The following USH2A variants were observed in gnomAD, a reference collection of about 807,000 sequenced individuals.
USH2A encodes the protein Usher syndrome 2A (autosomal recessive, mild).
USH2A carries 443 observed loss-of-function variants against 538.9 expected under a neutral mutation model. That is an observed-to-expected ratio of 0.82 (90% CI 0.76 to 0.89). The LOEUF (loss-of-function observed/expected upper bound fraction) is 0.89, where lower values mean the gene tolerates loss of function less well. Among genes scored for constraint, USH2A ranks in the 40% least tolerant of loss-of-function variants. The pLI is 0.00. For missense variants in USH2A, 6,633 were observed against 6,324.8 expected (o/e 1.05, Z -1.65); for synonymous variants, 2,413 against 2,273.5 (o/e 1.06, Z -1.75).
At chr1:216,251,910 T>C (rs926729108) in intron 11 of USH2A, among the ~76,000 whole-genome samples, 2 of 152,342 alleles carry the variant, frequency 1.3e-5, no homozygotes, top group South Asian at 2.1e-4. Flanking sequence ...TTTATGCCTA[T>C]TGATATTGAT....
At chr1:215,814,042 A>T in intron 48 of USH2A, 138 bp from the exon 49 acceptor site, 1 of 1,039,424 alleles carries the variant, frequency 9.6e-7, no homozygotes, top group Non-Finnish European at 1.4e-6. Context: ...GTTGGTTTAA[A>T]AATGTATTTT....
At chr1:215,967,313 C>T (rs115913254) in intron 36 of USH2A, among the ~76,000 whole-genome samples, 5,535 of 152,130 alleles carry the variant, frequency 0.036, 97 homozygotes, top group African/African-American at 0.04. Flanking sequence ...AGACTGCAGG[C>T]GCCCGCCACC....
intron 58 of USH2A, among the ~76,000 whole-genome samples, chr1:215,754,646 C>G (rs967343251): frequency 6.6e-6 from 1 of 151,262 alleles, no homozygotes; most frequent in African/African-American, 2.5e-5. Flanking sequence ...ATATAAAACA[C>G]ACTAACACTA....
intron 61 of USH2A, among the ~76,000 whole-genome samples, chr1:215,687,395 C>T (rs1345339775): frequency 6.6e-6 from 1 of 151,410 alleles, no homozygotes; most frequent in Non-Finnish European, 1.5e-5. Context: ...CTTTAGAATA[C>T]ATCATTCATT....
chr1:215,968,505 T>C (rs957136256), intron 36 of USH2A, among the ~76,000 whole-genome samples: 12 of 152,172 alleles, frequency 7.9e-5, no homozygotes, highest in African/African-American at 2.9e-4. Context: ...TCTGTATGTC[T>C]TTTTATTTTT....
chr1:215,652,392 C>A (rs1657111842), intron 64 of USH2A, among the ~76,000 whole-genome samples: 1 of 152,154 alleles, frequency 6.6e-6, no homozygotes, highest in Non-Finnish European at 1.5e-5. Flanking sequence ...ACCTGCAATT[C>A]TAGATTAGGT....
chr1:215,642,521 G>T (rs897859978), intron 67 of USH2A, among the ~76,000 whole-genome samples: 1 of 152,172 alleles, frequency 6.6e-6, no homozygotes, highest in African/African-American at 2.4e-5. Flanking sequence ...CAGGAATTTT[G>T]TGAGTCATTG....
chr1:216,415,669 C>T (rs934860704), intron 3 of USH2A, among the ~76,000 whole-genome samples: 1 of 151,864 alleles, frequency 6.6e-6, no homozygotes, highest in Non-Finnish European at 1.5e-5. Flanking sequence ...TACAGACACG[C>T]ACCATCACAC....
At chr1:216,388,625 A>G (rs1461658683) in intron 3 of USH2A, among the ~76,000 whole-genome samples, 1 of 152,254 alleles carries the variant, frequency 6.6e-6, no homozygotes, top group Non-Finnish European at 1.5e-5. Flanking sequence ...TACACATGCC[A>G]TAAGGCATTT....
At chr1:215,905,883 G>A (rs553834946) in intron 38 of USH2A, among the ~76,000 whole-genome samples, 3 of 152,112 alleles carry the variant, frequency 2.0e-5, no homozygotes, top group East Asian at 1.9e-4. Context: ...GAGAAACTGC[G>A]GCCTTTTACC....
At chr1:216,028,110 G>A (rs1669012003) in intron 32 of USH2A, among the ~76,000 whole-genome samples, 2 of 152,116 alleles carry the variant, frequency 1.3e-5, no homozygotes, top group Admixed American at 6.6e-5. Context: ...AGAAGTGGCC[G>A]GGTGCAGTGG....
At chr1:215,977,863 T>C (rs1288033064) in intron 35 of USH2A, among the ~76,000 whole-genome samples, 4 of 152,188 alleles carry the variant, frequency 2.6e-5, no homozygotes, top group African/African-American at 4.8e-5. Context: ...TGGTGGCTCA[T>C]GCCTATAATC....
chr1:216,196,168 T>C (rs970955962), intron 19 of USH2A, among the ~76,000 whole-genome samples: 1 of 152,170 alleles, frequency 6.6e-6, no homozygotes, highest in African/African-American at 2.4e-5. Flanking sequence ...ATCAATGTTA[T>C]TTATATTTCC....
intron 47 of USH2A, among the ~76,000 whole-genome samples, chr1:215,837,416 C>T (rs1663562663): frequency 6.6e-6 from 1 of 152,032 alleles, no homozygotes; most frequent in African/African-American, 2.4e-5. Flanking sequence ...GCTTTGGAAA[C>T]AATACCAAAT....
chr1:215,627,889 G>C (rs550216690), intron 71 of USH2A, among the ~76,000 whole-genome samples: 43 of 152,306 alleles, frequency 2.8e-4, no homozygotes, highest in African/African-American at 8.4e-4. Context: ...CATCTAGGAA[G>C]TTAGCACAAT....
At chr1:216,341,047 G>A (rs1168666698) in intron 4 of USH2A, among the ~76,000 whole-genome samples, 1 of 152,154 alleles carries the variant, frequency 6.6e-6, no homozygotes, top group African/African-American at 2.4e-5. Context: ...AAGAGAGGAA[G>A]TCAAATTGTC....
At chr1:216,283,473 C>T (rs1054433581) in intron 11 of USH2A, among the ~76,000 whole-genome samples, 14 of 152,286 alleles carry the variant, frequency 9.2e-5, no homozygotes, top group Middle Eastern at 3.4e-3. Context: ...ATACAAATAA[C>T]TTCTCTTTTT....
chr1:216,208,633 A>AG (rs1229761929), intron 15 of USH2A, among the ~76,000 whole-genome samples: 1 of 152,134 alleles, frequency 6.6e-6, no homozygotes, highest in Non-Finnish European at 1.5e-5. Context: ...AGGGTTTCTC[A>AG]AGCCAACCCT....
intron 44 of USH2A, 42 bp from the exon 45 acceptor site, chr1:215,846,075 C>CATTTTTT: frequency 1.9e-6 from 3 of 1,587,598 alleles, no homozygotes; most frequent in Non-Finnish European, 2.6e-6. Flanking sequence ...GTAGCTGAGG[C>CATTTTTT]TTTCAGGGGA....
Sources: gnomAD v4.1 joint callset for allele counts (sites outside exome capture counted in the v4.1 genomes callset) on GRCh38, gnomAD v4.1.1 for gene constraint, MANE v1.5 for transcripts, NCBI Gene and HGNC (gene_info 2026-07-23, HGNC 2026-07-21) for gene names.